NR6A1: variants seen among roughly 807,000 people sequenced by gnomAD.
NR6A1 encodes the protein retinoic acid receptor-related testis-associated receptor.
A neutral mutation model predicts 59.1 loss-of-function variants in NR6A1; 7 were observed. The observed-to-expected ratio is 0.12, with a 90% CI of 0.07 to 0.22. The LOEUF (loss-of-function observed/expected upper bound fraction) is 0.22. Ranked by LOEUF, NR6A1 falls within the 10% of genes least tolerant of loss-of-function variation. The pLI is 1.00. For synonymous variants in NR6A1, 243 were observed against 236.1 expected, an observed-to-expected ratio of 1.03 and a Z score of -0.27; for missense variants, 468 against 611.6, an observed-to-expected ratio of 0.77 and a Z score of 2.48.
intron 1 of NR6A1, among the ~76,000 whole-genome samples, chr9:124,754,281 A>G (rs755599995): frequency 2.0e-5 from 3 of 152,250 alleles, no homozygotes; most frequent in Non-Finnish European, 4.4e-5. Flanking sequence ...CCTATATGAG[A>G]TAATTCCAAG....
At chr9:124,647,348 G>A (rs968501667) in intron 2 of NR6A1, among the ~76,000 whole-genome samples, 1 of 152,180 alleles carries the variant, frequency 6.6e-6, no homozygotes, top group Non-Finnish European at 1.5e-5. Context: ...AGCATCATTA[G>A]AGACTATTAT....
chr9:124,568,169 C>CAG (rs1834326339), intron 2 of NR6A1, among the ~76,000 whole-genome samples: 1 of 30,436 alleles, frequency 3.3e-5, no homozygotes, highest in Non-Finnish European at 6.2e-5. Flanking sequence ...TACTTCATCT[C>CAG]AAAAAAAAAA....
chr9:124,596,835 A>C (rs972038656), intron 2 of NR6A1, among the ~76,000 whole-genome samples: 6 of 152,222 alleles, frequency 3.9e-5, no homozygotes, highest in African/African-American at 1.4e-4. Flanking sequence ...CTAAACATTC[A>C]AATATCAGGA....
intron 2 of NR6A1, among the ~76,000 whole-genome samples, chr9:124,695,155 A>T (rs1375899215): frequency 6.6e-6 from 1 of 152,154 alleles, no homozygotes; most frequent in Non-Finnish European, 1.5e-5. Context: ...CACCACCTGA[A>T]ATCGCCACTA....
In NR6A1 at chr9:124,604,379, G is replaced by C. The variant is rs553307758; in HGVS notation, c.143-49809C>G. Among the ~76,000 whole-genome samples, 70 of 152,226 alleles carry C rather than the reference G, an allele frequency of 4.6e-4. 1 individual carries two copies. Among genetic ancestry groups the C allele is most frequent in the Middle Eastern group, 6.8e-3 (2 of 294 alleles). On this transcript the variant is annotated intron_variant, in intron 2 of 9. Transcript: ENST00000487099. ...CCAAAAACCTGGCACTCTTTCCATG[G>C]CTCCTTCCTCCTCTTTGACTATACC...
In NR6A1 at chr9:124,567,831, CTTTTTTT is replaced by C. The variant is rs534591761; in HGVS notation, c.143-13268_143-13262del. Among the ~76,000 whole-genome samples the C allele has an allele frequency of 4.9e-3, 495 of 101,318 alleles. 3 individuals are homozygous for C. The highest frequency in any genetic ancestry group is 5.2e-3 in the Non-Finnish European group (250 of 47,848). 66.5% of individuals were successfully genotyped at this position (101,318 alleles called of 152,430 possible). On this transcript the variant is annotated intron_variant, in intron 2 of 9. Coordinates refer to ENST00000487099, the MANE Select transcript of NR6A1 (RefSeq NM_033334.4). The stretch of plus-strand genomic sequence containing the variant: ...CAAGCAGATGCTTTTTAAAAATTTG[CTTTTTTT>C]TTTTTTTTTTTTTTTTAACTAGTAC...
chr9:124,648,948 T>A (rs76901691), intron 2 of NR6A1, among the ~76,000 whole-genome samples: 2,698 of 152,044 alleles, frequency 0.018, 81 homozygotes, highest in African/African-American at 0.061. Context: ...GATGAAATTG[T>A]GGGATTACAC....
At chr9:124,675,324 C>T (rs1253196049) in intron 2 of NR6A1, among the ~76,000 whole-genome samples, 1 of 152,204 alleles carries the variant, frequency 6.6e-6, no homozygotes, top group African/African-American at 2.4e-5. Context: ...AGAGTCTGTG[C>T]CTCCTACCAG....
At chr9:124,568,407 C>T (rs1442475214) in intron 2 of NR6A1, among the ~76,000 whole-genome samples, 2 of 150,650 alleles carry the variant, frequency 1.3e-5, no homozygotes, top group East Asian at 2.0e-4. Context: ...TGCTTGAACC[C>T]AGGAGGCGGA....
chr9:124,558,876 T>C (rs149491359), intron 2 of NR6A1, among the ~76,000 whole-genome samples: 2 of 152,260 alleles, frequency 1.3e-5, no homozygotes, highest in African/African-American at 4.8e-5. Flanking sequence ...GGCCCCCCTT[T>C]GTAAATGAAC....
At chr9:124,764,683 CTAA>C (rs1840883310) in intron 1 of NR6A1, among the ~76,000 whole-genome samples, 1 of 152,190 alleles carries the variant, frequency 6.6e-6, no homozygotes, top group Non-Finnish European at 1.5e-5. Context: ...ACATTCTCTG[CTAA>C]TAATACCACT....
At chr9:124,674,042 A>C (rs1449095619) in intron 2 of NR6A1, among the ~76,000 whole-genome samples, 16 of 152,330 alleles carry the variant, frequency 1.1e-4, no homozygotes, top group African/African-American at 3.8e-4. Context: ...CTCTAGCTTC[A>C]GTTTTCTCAT....
intron 2 of NR6A1, among the ~76,000 whole-genome samples, chr9:124,640,189 A>G: frequency 6.6e-6 from 1 of 152,208 alleles, no homozygotes; most frequent in East Asian, 1.9e-4. Context: ...AGCCAGTTGC[A>G]AACTAGGTTT....
At position 124,619,574 on chromosome 9, in the gene NR6A1, C is replaced by CT. The variant is rs533672180; in HGVS notation, c.143-65005dup. Among the ~76,000 whole-genome samples, 93 of 151,684 alleles carry CT rather than the reference C, an allele frequency of 6.1e-4. 1 individual carries two copies. The South Asian group carries it at 0.018, about 30-fold the overall frequency. ...CACCATACCTGGACTATAATTTTTACTTTTTTTAAAAAAACTGCATGTTTG... is the reference window on the plus strand; with the variant it reads ...CACCATACCTGGACTATAATTTTTACTTTTTTTTAAAAAAACTGCATGTTTG... On this transcript the variant is annotated intron_variant, in intron 2 of 9. Coordinates refer to ENST00000487099, the MANE Select transcript of NR6A1 (RefSeq NM_033334.4).
At chr9:124,680,027 T>G (rs1838089735) in intron 2 of NR6A1, among the ~76,000 whole-genome samples, 1 of 152,110 alleles carries the variant, frequency 6.6e-6, no homozygotes, top group African/African-American at 2.4e-5. Context: ...AAGGAAATTA[T>G]GAGTTATACA....
At chr9:124,738,416 T>C (rs1351337052) in intron 1 of NR6A1, among the ~76,000 whole-genome samples, 2 of 152,212 alleles carry the variant, frequency 1.3e-5, no homozygotes, top group Middle Eastern at 3.4e-3. Flanking sequence ...CTTTGTATGG[T>C]GACTTAAATT....
intron 2 of NR6A1, among the ~76,000 whole-genome samples, chr9:124,710,064 C>T (rs1839231965): frequency 6.6e-6 from 1 of 151,978 alleles, no homozygotes; most frequent in African/African-American, 2.4e-5. Context: ...TCACTCAATC[C>T]CATAATTAAT....
At chr9:124,749,419 G>C (rs1840432430) in intron 1 of NR6A1, among the ~76,000 whole-genome samples, 1 of 152,146 alleles carries the variant, frequency 6.6e-6, no homozygotes, top group Non-Finnish European at 1.5e-5. Flanking sequence ...TTAGGGAATA[G>C]GACCTTTTAC....
intron 3 of NR6A1, among the ~76,000 whole-genome samples, chr9:124,549,643 T>A (rs1833709768): frequency 6.6e-6 from 1 of 152,212 alleles, no homozygotes; most frequent in Non-Finnish European, 1.5e-5. Context: ...TGCACATAGG[T>A]GAAAAAGCCC....
Sources: allele counts gnomAD v4.1 joint callset (sites outside exome capture counted in the v4.1 genomes callset), GRCh38; gene constraint gnomAD v4.1.1; transcripts MANE v1.5; gene names NCBI Gene and HGNC (gene_info 2026-07-23, HGNC 2026-07-21).